PPP1R1A: variants seen among roughly 807,000 people sequenced by gnomAD.
PPP1R1A encodes the protein protein phosphatase 1 regulatory subunit 1A.
PPP1R1A carries 18 observed loss-of-function variants against 23.9 expected under a neutral mutation model. That is an observed-to-expected ratio of 0.75 (90% CI 0.52 to 1.12). PPP1R1A has a LOEUF of 1.12. PPP1R1A is among the 50% of genes most tolerant of loss of function. PPP1R1A has a pLI of 0.00. For missense variants in PPP1R1A, 207 were observed against 223.8 expected (o/e 0.92, Z 0.48); for synonymous variants, 84 against 80.7 (o/e 1.04, Z -0.22).
chr12:54,582,881 C>A lies in PPP1R1A; in HGVS notation c.184-86G>T, dbSNP rs1174308358. 9 of 1,382,980 alleles carry A rather than the reference C, an allele frequency of 6.5e-6. No individual in the cohort carries two copies. In the Admixed American group the frequency reaches 1.8e-4, roughly 28 times the overall value. 85.7% of individuals were successfully genotyped at this position (1,382,980 alleles called of 1,614,324 possible). On this transcript the variant is annotated intron_variant, in intron 3 of 6. Coordinates refer to ENST00000257905, the MANE Select transcript of PPP1R1A (RefSeq NM_006741.4). ...TTGCCCTCTAGCCCCCCATGCCCTC[C>A]AGCCCCCCTTGCCTTCCTCCTCTGC...
In PPP1R1A at chr12:54,580,263, T is replaced by A; in HGVS notation, c.*124A>T. ...GAAAAGAAGGAAAGTGCCAAGGACC[T>A]AACACCAAATTTATCACTTTTTAAA... On this transcript the variant is annotated 3_prime_UTR_variant, in exon 7 of 7. Coordinates refer to ENST00000257905, the MANE Select transcript of PPP1R1A (RefSeq NM_006741.4). 6.6e-7 allele frequency: 1 copy of A among 1,515,448 alleles called. No homozygotes were observed. The allele number at this position is 1,515,448 out of a possible 1,614,324, so 93.9% of individuals were successfully genotyped here. A position where few individuals can be genotyped will look rare whatever the true frequency, so the allele number is the denominator to read the frequency against.
chr12:54,584,407 G>A (rs1312114547), intron 1 of PPP1R1A, 87 bp from the exon 2 acceptor site: 14 of 1,282,460 alleles, frequency 1.1e-5, no homozygotes, highest in Non-Finnish European at 1.5e-5. Context: ...ACATAATCCA[G>A]GCTAGCCTAC....
In PPP1R1A at chr12:54,580,404, GA is replaced by G. The variant is rs1957843541; in HGVS notation, c.511-13del. 3 of 1,611,278 alleles carry G rather than the reference GA, an allele frequency of 1.9e-6. No individual in the cohort carries two copies. Among genetic ancestry groups the G allele is most frequent in the Non-Finnish European group, 2.5e-6 (3 of 1,177,696 alleles). On this transcript the variant is annotated splice_polypyrimidine_tract_variant and intron_variant, in intron 6 of 6. Transcript: ENST00000257905. ...CTCCTCTCTCAGACCTGTTATGGGG[GA>G]AAGGGGACAGAAAGAGAAGGTGAGA...
rs1327800718 is a variant in PPP1R1A at position 54,581,712 on chromosome 12, T to G, written c.403+264A>C. On this transcript the variant is annotated intron_variant, in intron 5 of 6. Transcript: ENST00000257905. This position sits in a 1 kb window ranked among gnomAD's most constrained non-coding sequence, Gnocchi z 4.1. ...CCAGGATTCTAGCCTGTGATTGCTGTTCCCATGAAGGTGGGTTTCCCCCAT... is the reference window on the plus strand; with the variant it reads ...CCAGGATTCTAGCCTGTGATTGCTGGTCCCATGAAGGTGGGTTTCCCCCAT... Among the ~76,000 whole-genome samples the G allele has an allele frequency of 6.6e-6, 1 of 152,238 alleles. No individual in the cohort carries two copies. Among genetic ancestry groups the G allele is most frequent in the African/African-American group, 2.4e-5 (1 of 41,478 alleles).
Position 54,580,966 on chromosome 12 carries a change from A to G in PPP1R1A, c.488T>C (p.Leu163Pro). Reference sequence around the variant, plus strand: ...TACCGAGTTGGCTCCCTTGGAATCCAGTGGTGGTATATGGGTTGAGGGTTC... The same window carrying G: ...TACCGAGTTGGCTCCCTTGGAATCCGGTGGTGGTATATGGGTTGAGGGTTC... ...TKEPSTHIPP[L>P]DSKGANSV The change falls in exon 6 of 7, where the codon CTG (leucine) becomes CCG (proline). Residue 163 changes from leucine (L) to proline (P), a missense_variant. Transcript: ENST00000257905. 1.9e-6 allele frequency: 3 copies of G among 1,613,652 alleles called. No homozygotes were observed. Among genetic ancestry groups the G allele is most frequent in the Non-Finnish European group, 2.5e-6 (3 of 1,179,648 alleles).
At chr12:54,583,276 G>A in intron 2 of PPP1R1A, 28 bp from the exon 3 acceptor site, 1 of 1,482,662 alleles carries the variant, frequency 6.7e-7, no homozygotes, top group Non-Finnish European at 8.9e-7. Context: ...AGGAGAGGGT[G>A]ATAAGGACAG....
intron 1 of PPP1R1A, among the ~76,000 whole-genome samples, chr12:54,585,299 G>A (rs748880551): frequency 1.8e-4 from 28 of 152,298 alleles, no homozygotes; most frequent in South Asian, 2.1e-4. Flanking sequence ...GGCCCAAAGC[G>A]TAGCTGAAAA....
At chr12:54,584,894 T>C (rs2121212111) in intron 1 of PPP1R1A, among the ~76,000 whole-genome samples, 3 of 152,258 alleles carry the variant, frequency 2.0e-5, no homozygotes, top group Middle Eastern at 3.4e-3. Flanking sequence ...CCCCTGGTCC[T>C]GGCCCCAGCT....
intron 1 of PPP1R1A, among the ~76,000 whole-genome samples, chr12:54,585,383 C>T (rs1374912421): frequency 6.6e-6 from 1 of 152,170 alleles, no homozygotes; most frequent in African/African-American, 2.4e-5. Flanking sequence ...GCCTCTGAGC[C>T]CCCTTTCCCC....
At chr12:54,582,178 C>A in intron 4 of PPP1R1A, 47 bp from the exon 5 acceptor site, 2 of 1,558,892 alleles carry the variant, frequency 1.3e-6, no homozygotes, top group Non-Finnish European at 1.7e-6. Flanking sequence ...GACTGCCTAG[C>A]GTCTCCCCTG....
At chr12:54,584,425 ACCTC>A in intron 1 of PPP1R1A, 105 bp from the exon 2 acceptor site, 1 of 1,087,370 alleles carries the variant, frequency 9.2e-7, no homozygotes, top group Non-Finnish European at 1.3e-6. Flanking sequence ...TACTTAACAC[ACCTC>A]AAAAAATGCC....
At chr12:54,583,819 C>T (rs923687735) in intron 2 of PPP1R1A, among the ~76,000 whole-genome samples, 2 of 152,228 alleles carry the variant, frequency 1.3e-5, no homozygotes, top group African/African-American at 4.8e-5. Context: ...CCCCAGACCT[C>T]GATGGGGATG....
intron 6 of PPP1R1A, among the ~76,000 whole-genome samples, chr12:54,580,699 C>G (rs1353959435): frequency 1.3e-5 from 2 of 152,246 alleles, no homozygotes; most frequent in Non-Finnish European, 2.9e-5. Context: ...GCCTACTGCT[C>G]TCACCCATTC....
intron 1 of PPP1R1A, among the ~76,000 whole-genome samples, chr12:54,584,636 T>G (rs1957890975): frequency 6.6e-6 from 1 of 152,118 alleles, no homozygotes; most frequent in African/African-American, 2.4e-5. Context: ...TTGGGTACTA[T>G]GTTCACTCTC....
rs1356005208 is a variant in PPP1R1A, at chr12:54,579,345, T to C, written c.*1042A>G. ...GGTGAGGCGTTCTCCCTCATATATA[T>C]ATATATATATATTTAGGTATGTATC... On this transcript the variant is annotated 3_prime_UTR_variant, in exon 7 of 7. Coordinates refer to ENST00000257905, the MANE Select transcript of PPP1R1A (RefSeq NM_006741.4). 39 of 979,960 alleles carry C rather than the reference T, an allele frequency of 4.0e-5. No homozygotes were observed. Among genetic ancestry groups the C allele is most frequent in the Non-Finnish European group, 4.6e-5 (38 of 825,234 alleles). 60.7% of individuals were successfully genotyped at this position (979,960 alleles called of 1,614,324 possible). A position where few individuals can be genotyped will look rare whatever the true frequency, so the allele number is the denominator to read the frequency against.
chr12:54,580,875 GC>G (rs772932733), intron 6 of PPP1R1A, 68 bp downstream of exon 6: 2 of 1,253,536 alleles, frequency 1.6e-6, no homozygotes, highest in African/African-American at 1.5e-5. Context: ...CCAAATATTA[GC>G]CCCTTGCTTT....
Position 54,579,549 on chromosome 12 carries a change from C to G in PPP1R1A, c.*838G>C. Reference sequence around the variant, plus strand: ...TCCCACTACCTGGGAAAATCAAAAACAGCAGCAGGAGAGAGGCCTGGCCGT... The same window carrying G: ...TCCCACTACCTGGGAAAATCAAAAAGAGCAGCAGGAGAGAGGCCTGGCCGT... On this transcript the variant is annotated 3_prime_UTR_variant, in exon 7 of 7. Coordinates refer to ENST00000257905, the MANE Select transcript of PPP1R1A (RefSeq NM_006741.4). The G allele has an allele frequency of 7.1e-6, 7 of 985,452 alleles. No homozygotes were observed. Among genetic ancestry groups the G allele is most frequent in the Non-Finnish European group, 8.4e-6 (7 of 829,998 alleles). 61.0% of individuals were successfully genotyped at this position (985,452 alleles called of 1,614,324 possible). A position where few individuals can be genotyped will look rare whatever the true frequency, so the allele number is the denominator to read the frequency against.
At chr12:54,584,718 T>C (rs1232239979) in intron 1 of PPP1R1A, among the ~76,000 whole-genome samples, 1 of 151,772 alleles carries the variant, frequency 6.6e-6, no homozygotes, top group Non-Finnish European at 1.5e-5. Flanking sequence ...TGTACCCCCC[T>C]GAATCTAAAA....
intron 1 of PPP1R1A, among the ~76,000 whole-genome samples, chr12:54,588,201 C>G (rs541660791): frequency 6.6e-6 from 1 of 152,072 alleles, no homozygotes; most frequent in South Asian, 2.1e-4. Flanking sequence ...TTCGGTCAGT[C>G]TCAAAGAAGC....
Sources: allele counts gnomAD v4.1 joint callset (sites outside exome capture counted in the v4.1 genomes callset), GRCh38; gene constraint gnomAD v4.1.1; non-coding constraint Gnocchi (gnomAD v3.1); transcripts MANE v1.5; gene names NCBI Gene and HGNC (gene_info 2026-07-23, HGNC 2026-07-21).